Variants in KIAA1328 observed in about 807,000 individuals in gnomAD.
KIAA1328 encodes the protein protein hinderin.
A neutral mutation model predicts 68.1 loss-of-function variants in KIAA1328; 52 were observed. The ratio of observed to expected loss-of-function variants is 0.76; its 90% CI spans 0.61 to 0.96. KIAA1328 has a LOEUF of 0.96. Among genes scored for constraint, KIAA1328 ranks in the 40% least tolerant of loss-of-function variants. The pLI, the probability that KIAA1328 is intolerant of heterozygous loss-of-function variation, is 0.00. For synonymous variants in KIAA1328, 232 were observed against 239.4 expected (o/e 0.97, Z 0.28); for missense variants, 641 against 677.6 (o/e 0.95, Z 0.60).
chr18:37,121,852 G>A (rs2058280701), intron 7 of KIAA1328, among the ~76,000 whole-genome samples: 1 of 152,022 alleles, frequency 6.6e-6, no homozygotes, highest in South Asian at 2.1e-4. Context: ...GAATGAAGGA[G>A]GTGTTTGACA....
At chr18:36,834,438 G>C in intron 2 of KIAA1328, 83 bp downstream of exon 2, 1 of 1,240,930 alleles carries the variant, frequency 8.1e-7, no homozygotes, top group Non-Finnish European at 1.1e-6. Context: ...GAACAATGTT[G>C]CGGGTATAAA....
At position 37,078,808 on chromosome 18, in the gene KIAA1328, A is replaced by G. The variant is rs1475250750; in HGVS notation, c.1232+11263A>G. On this transcript the variant is annotated intron_variant, in intron 7 of 9. Coordinates refer to ENST00000280020, the MANE Select transcript of KIAA1328 (RefSeq NM_020776.3). Reference sequence around the variant, plus strand: ...CCATCTCACACCAGTTAGAATGGCAATCATTAAAAAGTCAGGAAACAACAG... The same window carrying G: ...CCATCTCACACCAGTTAGAATGGCAGTCATTAAAAAGTCAGGAAACAACAG... 1.4e-4 allele frequency among the ~76,000 whole-genome samples: 21 copies of G among 150,512 alleles called. No homozygotes were observed. The East Asian group carries it at 2.7e-3, about 20-fold the overall frequency.
intron 7 of KIAA1328, among the ~76,000 whole-genome samples, chr18:37,153,910 G>A (rs912079304): frequency 1.0e-4 from 15 of 146,928 alleles, no homozygotes; most frequent in Non-Finnish European, 1.5e-4. Context: ...TTCATGTGCT[G>A]TTTTTTCTCT....
intron 5 of KIAA1328, among the ~76,000 whole-genome samples, chr18:36,944,319 C>G (rs1186818005): frequency 6.6e-6 from 1 of 152,024 alleles, no homozygotes; most frequent in Non-Finnish European, 1.5e-5. Flanking sequence ...TGGCTCACAC[C>G]TGTAATCCCA....
intron 7 of KIAA1328, among the ~76,000 whole-genome samples, chr18:37,117,715 C>A (rs1281112850): frequency 6.6e-6 from 1 of 152,044 alleles, no homozygotes; most frequent in African/African-American, 2.4e-5. Flanking sequence ...TGAAAACATG[C>A]TAACCCTTTC....
At chr18:37,174,475 C>G (rs1465831167) in intron 9 of KIAA1328, among the ~76,000 whole-genome samples, 1 of 150,746 alleles carries the variant, frequency 6.6e-6, no homozygotes, top group African/African-American at 2.4e-5. Context: ...CTCCACCTCC[C>G]GGGTTCAAGC....
At chr18:37,052,551 T>C (rs1234983920) in intron 6 of KIAA1328, among the ~76,000 whole-genome samples, 1 of 151,884 alleles carries the variant, frequency 6.6e-6, no homozygotes, top group African/African-American at 2.4e-5. Context: ...CGTCAAATTA[T>C]CTCTGTTCAC....
rs11321724 is a variant in KIAA1328 at position 36,918,413 on chromosome 18, C to CT, written c.448+32758dup. On this transcript the variant is annotated intron_variant, in intron 5 of 9. Coordinates refer to ENST00000280020, the MANE Select transcript of KIAA1328 (RefSeq NM_020776.3). ...CAAATGAAGATCATTGTTTTTAAGC[C>CT]TTTTTTTTTTTTTTTTTGAGACGGA... 6.1e-4 allele frequency among the ~76,000 whole-genome samples: 63 copies of CT among 103,298 alleles called. 2 individuals are homozygous for CT. Among genetic ancestry groups the CT allele is most frequent in the African/African-American group, 1.6e-3 (52 of 31,748 alleles). 67.8% of individuals were successfully genotyped at this position (103,298 alleles called of 152,430 possible). A position where few individuals can be genotyped will look rare whatever the true frequency, so the allele number is the denominator to read the frequency against.
At chr18:36,859,033 A>G (rs2047471899) in intron 4 of KIAA1328, among the ~76,000 whole-genome samples, 1 of 152,108 alleles carries the variant, frequency 6.6e-6, no homozygotes, top group Non-Finnish European at 1.5e-5. Flanking sequence ...CTTTTTTTAT[A>G]CATACAACTT....
chr18:37,163,283 G>C (rs1171484343), intron 8 of KIAA1328, among the ~76,000 whole-genome samples: 1 of 152,190 alleles, frequency 6.6e-6, no homozygotes, highest in Non-Finnish European at 1.5e-5. Context: ...GCAGTTTTCA[G>C]AACTGAAATG....
intron 6 of KIAA1328, among the ~76,000 whole-genome samples, chr18:37,017,547 T>C (rs1471814578): frequency 6.6e-6 from 1 of 152,170 alleles, no homozygotes; most frequent in Non-Finnish European, 1.5e-5. Context: ...ATCTGTCTTA[T>C]GCCGTCACTA....
At chr18:36,971,747 C>G (rs2052224621) in intron 6 of KIAA1328, among the ~76,000 whole-genome samples, 1 of 152,136 alleles carries the variant, frequency 6.6e-6, no homozygotes, top group African/African-American at 2.4e-5. Context: ...GGCCATTATC[C>G]TTAGCAAACT....
At chr18:36,876,819 A>T (rs1178714919) in intron 4 of KIAA1328, among the ~76,000 whole-genome samples, 1 of 152,138 alleles carries the variant, frequency 6.6e-6, no homozygotes, top group East Asian at 1.9e-4. Context: ...ATTTTGTTCT[A>T]TAAATTTCCT....
At chr18:36,954,043 C>A (rs536272162) in intron 5 of KIAA1328, among the ~76,000 whole-genome samples, 179 of 137,580 alleles carry the variant, frequency 1.3e-3, no homozygotes, top group Non-Finnish European at 2.3e-3. Flanking sequence ...TCGCCCAGGC[C>A]GGACTGCGGA....
At position 37,222,428 on chromosome 18, in the gene KIAA1328, AG is replaced by A; in HGVS notation, c.*206del. On this transcript the variant is annotated 3_prime_UTR_variant, in exon 10 of 10. Coordinates refer to ENST00000280020, the MANE Select transcript of KIAA1328 (RefSeq NM_020776.3). ...AGACCAGGCATTCGATAACACACTAAGGGGGTAGGAATGGAAGATGGTATCT... is the reference window on the plus strand; with the variant it reads ...AGACCAGGCATTCGATAACACACTAAGGGGTAGGAATGGAAGATGGTATCT... 1.2e-5 allele frequency: 17 copies of A among 1,416,716 alleles called. No individual in the cohort carries two copies. Among genetic ancestry groups the A allele is most frequent in the Non-Finnish European group, 1.6e-5 (17 of 1,090,414 alleles). 87.8% of individuals were successfully genotyped at this position (1,416,716 alleles called of 1,614,324 possible).
intron 5 of KIAA1328, among the ~76,000 whole-genome samples, chr18:36,893,465 TTGTGTGTG>T (rs141803952): frequency 0.013 from 1,569 of 120,642 alleles, 9 homozygotes; most frequent in Non-Finnish European, 0.019. Context: ...GTGTGTGTTT[TTGTGTGTG>T]TGTGTGTGTG....
At chr18:36,898,318 GTTT>G (rs535361402) in intron 5 of KIAA1328, among the ~76,000 whole-genome samples, 128 of 152,012 alleles carry the variant, frequency 8.4e-4, no homozygotes, top group Admixed American at 2.8e-3. Flanking sequence ...GAAGCAAAAA[GTTT>G]TTTTGATTAT....
intron 4 of KIAA1328, among the ~76,000 whole-genome samples, chr18:36,860,552 T>C (rs990072123): frequency 3.3e-5 from 5 of 152,198 alleles, no homozygotes; most frequent in African/African-American, 1.2e-4. Context: ...ATTGGCACTT[T>C]TAGCTTTTCT....
chr18:36,996,488 C>A (rs538016124), intron 6 of KIAA1328, among the ~76,000 whole-genome samples: 1 of 152,052 alleles, frequency 6.6e-6, no homozygotes, highest in Admixed American at 6.6e-5. Context: ...GTTAAAAGGG[C>A]TCTAAATTTT....
Sources: gnomAD v4.1 joint callset for allele counts (sites outside exome capture counted in the v4.1 genomes callset) on GRCh38, gnomAD v4.1.1 for gene constraint, MANE v1.5 for transcripts, NCBI Gene and HGNC (gene_info 2026-07-23, HGNC 2026-07-21) for gene names.